VAX2: variants seen among roughly 807,000 people sequenced by gnomAD.
The protein encoded by VAX2 is ventral anterior homeobox 2.
A neutral mutation model predicts 12.5 loss-of-function variants in VAX2; 8 were observed. That is an observed-to-expected ratio of 0.64 (90% CI 0.37 to 1.15). The LOEUF (loss-of-function observed/expected upper bound fraction) is 1.15. VAX2 is among the 50% of genes most tolerant of loss of function. The pLI is 0.01. For missense variants in VAX2, 476 were observed against 412.9 expected (o/e 1.15, Z -1.32); for synonymous variants, 183 against 187.6 (o/e 0.98, Z 0.20).
At chr2:70,915,016 G>T (rs1679277879) in intron 1 of VAX2, among the ~76,000 whole-genome samples, 1 of 152,026 alleles carries the variant, frequency 6.6e-6, no homozygotes, top group Non-Finnish European at 1.5e-5. Context: ...GCCCAGGCTG[G>T]TCTCCAATGC....
intron 1 of VAX2, among the ~76,000 whole-genome samples, chr2:70,905,824 AGT>A (rs1679045608): frequency 6.6e-6 from 1 of 152,216 alleles, no homozygotes; most frequent in Non-Finnish European, 1.5e-5. Flanking sequence ...ATGCACCCGC[AGT>A]CAGTCAAAGC....
chr2:70,914,371 C>T (rs1004515925), intron 1 of VAX2, among the ~76,000 whole-genome samples: 1 of 152,150 alleles, frequency 6.6e-6, no homozygotes, highest in South Asian at 2.1e-4. Context: ...ATCACTTGAA[C>T]CCGGGAGGCG....
intron 1 of VAX2, among the ~76,000 whole-genome samples, chr2:70,909,020 T>C (rs1483548652): frequency 6.6e-6 from 1 of 152,248 alleles, no homozygotes; most frequent in Non-Finnish European, 1.5e-5. Context: ...TTTGCAAATA[T>C]ACCTTTTCCT....
rs1360607728 is a variant in VAX2, at chr2:70,904,145, A to G, written c.247+3277A>G. On this transcript the variant is annotated intron_variant, in intron 1 of 2. Coordinates refer to ENST00000234392, the MANE Select transcript of VAX2 (RefSeq NM_012476.3). The surrounding 1 kb of genome is among the most constrained non-coding windows in gnomAD (Gnocchi z 4.2). ...TCCCATTTGTACCCTAAGGCCTGAG[A>G]AGGCCGCTCCACACCTCCGCGTGCA... Among the ~76,000 whole-genome samples, 15 of 152,224 alleles carry G rather than the reference A, an allele frequency of 9.9e-5. No individual in the cohort carries two copies. The highest frequency in any genetic ancestry group is 3.4e-4 in the African/African-American group (14 of 41,454).
At chr2:70,921,446 G>C (rs561600037) in intron 2 of VAX2, among the ~76,000 whole-genome samples, 161 bp downstream of exon 2, 2 of 152,312 alleles carry the variant, frequency 1.3e-5, no homozygotes, top group South Asian at 2.1e-4. Flanking sequence ...GAGTGAAAGA[G>C]CAAATAAATA....
chr2:70,913,502 C>A (rs1031446645), intron 1 of VAX2, among the ~76,000 whole-genome samples: 1 of 151,976 alleles, frequency 6.6e-6, no homozygotes, highest in Admixed American at 6.6e-5. Flanking sequence ...CATGGTGAAA[C>A]CCTGCCTCTA....
At chr2:70,905,794 A>G (rs1334349573) in intron 1 of VAX2, among the ~76,000 whole-genome samples, 9 of 152,198 alleles carry the variant, frequency 5.9e-5, no homozygotes, top group African/African-American at 1.9e-4. Flanking sequence ...GCTACAGGAA[A>G]GGGAGGAGAT....
chr2:70,916,096 G>A (rs1553411899), intron 1 of VAX2, among the ~76,000 whole-genome samples: 1 of 152,060 alleles, frequency 6.6e-6, no homozygotes. Flanking sequence ...AACCATAAGT[G>A]GAATACAGAG....
chr2:70,929,494 C>A (rs11896678), intron 2 of VAX2, among the ~76,000 whole-genome samples: 2,699 of 152,276 alleles, frequency 0.018, 83 homozygotes, highest in African/African-American at 0.061. Flanking sequence ...CGAGACCAGC[C>A]TGGCCAACAT....
At chr2:70,918,316 C>T (rs1054611709) in intron 1 of VAX2, among the ~76,000 whole-genome samples, 1 of 152,162 alleles carries the variant, frequency 6.6e-6, no homozygotes, top group Non-Finnish European at 1.5e-5. Context: ...CAGAGCATAC[C>T]CTGGAAGGGG....
intron 1 of VAX2, among the ~76,000 whole-genome samples, chr2:70,903,790 C>T (rs1270425664): frequency 6.6e-6 from 1 of 152,186 alleles, no homozygotes; most frequent in African/African-American, 2.4e-5. Flanking sequence ...CCCTTTCCCC[C>T]TCCTTCTGGC....
At chr2:70,911,172 C>G (rs1679176853) in intron 1 of VAX2, among the ~76,000 whole-genome samples, 2 of 152,064 alleles carry the variant, frequency 1.3e-5, no homozygotes, top group Admixed American at 1.3e-4. Flanking sequence ...AACACAAACA[C>G]ACACACAGAA....
intron 2 of VAX2, among the ~76,000 whole-genome samples, chr2:70,929,513 C>G (rs1553414003): frequency 6.6e-6 from 1 of 152,076 alleles, no homozygotes; most frequent in Non-Finnish European, 1.5e-5. Context: ...ATGGTGAAAC[C>G]CTGTCTCTAG....
At position 70,904,605 on chromosome 2, in the gene VAX2, A is replaced by G. The variant is rs1358847559; in HGVS notation, c.247+3737A>G. 6.6e-6 allele frequency among the ~76,000 whole-genome samples: 1 copy of G among 152,026 alleles called. No homozygotes were observed. Among genetic ancestry groups the G allele is most frequent in the Non-Finnish European group, 1.5e-5 (1 of 68,006 alleles). ...CCACCCCTGCGGGTCCTCAAACCCC[A>G]CTCGAAACCCTCCGAACCCCTGTGT... On this transcript the variant is annotated intron_variant, in intron 1 of 2. Transcript: ENST00000234392. The surrounding 1 kb of genome is among the most constrained non-coding windows in gnomAD (Gnocchi z 4.2).
At chr2:70,914,583 A>G (rs1679266835) in intron 1 of VAX2, among the ~76,000 whole-genome samples, 1 of 138,362 alleles carries the variant, frequency 7.2e-6, no homozygotes, top group Non-Finnish European at 1.7e-5. Context: ...ACAGTGCACC[A>G]TTGTTATTAA....
intron 2 of VAX2, among the ~76,000 whole-genome samples, chr2:70,928,732 C>T (rs1679626058): frequency 6.6e-6 from 1 of 152,174 alleles, no homozygotes; most frequent in Non-Finnish European, 1.5e-5. Flanking sequence ...CCCACTAGAC[C>T]CTCAGCTTCC....
At chr2:70,901,805 G>A (rs1390985600) in intron 1 of VAX2, among the ~76,000 whole-genome samples, 1 of 152,214 alleles carries the variant, frequency 6.6e-6, no homozygotes, top group Non-Finnish European at 1.5e-5. Flanking sequence ...ACCCCAGGCC[G>A]CGGCCAGAGC....
intron 1 of VAX2, among the ~76,000 whole-genome samples, chr2:70,920,644 GACAC>G (rs3841907): frequency 0.74 from 110,638 of 150,142 alleles, 40,845 homozygotes; most frequent in East Asian, 0.86. Context: ...TGCATGCACA[GACAC>G]ACACACACAC....
At chr2:70,907,346 C>CCGGCTTT (rs369292100) in intron 1 of VAX2, among the ~76,000 whole-genome samples, 36 of 152,374 alleles carry the variant, frequency 2.4e-4, no homozygotes, top group Admixed American at 1.0e-3. Flanking sequence ...GGTGAGTCTC[C>CCGGCTTT]CGGCTTTCGG....
Sources: allele counts gnomAD v4.1 joint callset (sites outside exome capture counted in the v4.1 genomes callset), GRCh38; gene constraint gnomAD v4.1.1; non-coding constraint Gnocchi (gnomAD v3.1); transcripts MANE v1.5; gene names NCBI Gene and HGNC (gene_info 2026-07-23, HGNC 2026-07-21).